IFI44L: variants seen among roughly 807,000 people sequenced by gnomAD.
The protein encoded by IFI44L is interferon-induced protein 44-like.
IFI44L carries 40 observed loss-of-function variants against 39.3 expected under a neutral mutation model. The observed-to-expected ratio is 1.02, with a 90% CI of 0.79 to 1.33. The LOEUF is 1.33. Among genes scored for constraint, IFI44L ranks in the 40% most tolerant of loss-of-function variants. IFI44L has a pLI of 0.00. For missense variants in IFI44L, 623 were observed against 549.0 expected (o/e 1.13, Z -1.35); for synonymous variants, 198 against 182.3 (o/e 1.09, Z -0.69).
chr1:78,642,373 C>A lies in IFI44L; in HGVS notation c.*564C>A. The A allele has an allele frequency of 7.0e-6, 1 of 143,182 alleles. No homozygotes were observed. Among genetic ancestry groups the A allele is most frequent in the African/African-American group, 2.6e-5 (1 of 38,436 alleles). 8.9% of individuals were successfully genotyped at this position (143,182 alleles called of 1,614,324 possible). On this transcript the variant is annotated 3_prime_UTR_variant, in exon 9 of 9. Coordinates refer to ENST00000370751, the MANE Select transcript of IFI44L (RefSeq NM_006820.4). ...TAGCCTGGGCAACATGATGAAACCC[C>A]ATCTCCACTGCAAAAAAAAAAAAAA...
intron 1 of IFI44L, 174 bp from the exon 2 acceptor site, chr1:78,627,732 A>G: frequency 2.6e-6 from 1 of 378,586 alleles, no homozygotes; most frequent in Non-Finnish European, 4.7e-6. Flanking sequence ...ATATATTTTT[A>G]TATCTAACAT....
chr1:78,631,959 G>T (rs995854216), intron 4 of IFI44L, among the ~76,000 whole-genome samples: 7 of 152,080 alleles, frequency 4.6e-5, no homozygotes, highest in Non-Finnish European at 1.0e-4. Flanking sequence ...TTTACTCCTT[G>T]ATGAATAGTA....
rs976440836 is a variant in IFI44L, at chr1:78,641,879, T to C, written c.*70T>C. 4 of 1,505,880 alleles carry C rather than the reference T, an allele frequency of 2.7e-6. No individual in the cohort carries two copies. The African/African-American group carries it at 4.1e-5, about 16-fold the overall frequency. 93.3% of individuals were successfully genotyped at this position (1,505,880 alleles called of 1,614,324 possible). ...GTGCCGCAATGAGAGTCAATCTCTA[T>C]TGACAGCCTGCTTCAGATTTTGCTT... On this transcript the variant is annotated 3_prime_UTR_variant, in exon 9 of 9. Transcript: ENST00000370751.
chr1:78,637,206 G>A lies in IFI44L; in HGVS notation c.1048+3G>A, dbSNP rs1652982369. ...TCACAAAGAAGTATTAAACTGTGGT[G>A]AGTCTCACTGAACTTATAAAAAAAT... On this transcript the variant is annotated splice_donor_region_variant and intron_variant, in intron 6 of 8. Transcript: ENST00000370751. 4.4e-6 allele frequency: 7 copies of A among 1,584,424 alleles called. No homozygotes were observed. Among genetic ancestry groups the A allele is most frequent in the Non-Finnish European group, 4.3e-6 (5 of 1,169,328 alleles).
At position 78,628,149 on chromosome 1, in the gene IFI44L, G is replaced by A; in HGVS notation, c.234G>A (p.Glu78=). Residue 78 remains glutamate, a synonymous_variant, in exon 2 of 9, where the codon GAG becomes GAA. Transcript: ENST00000370751. The stretch of plus-strand genomic sequence containing the variant: ...TTAATTTACATGAAAGTTCTACAGA[G>A]CCAAATGATTCCCTATGGTTTTCAC... ...NYINLHESST[E]PNDSLWFSLQ... The A allele has an allele frequency of 6.2e-7, 1 of 1,612,114 alleles. No homozygotes were observed. The highest frequency in any genetic ancestry group is 1.3e-5 in the African/African-American group (1 of 74,936).
intron 1 of IFI44L, among the ~76,000 whole-genome samples, chr1:78,623,082 A>G (rs1336267047): frequency 1.3e-5 from 2 of 152,230 alleles, no homozygotes; most frequent in Non-Finnish European, 2.9e-5. Flanking sequence ...CTATTACTTT[A>G]TCGGTAGATG....
intron 1 of IFI44L, among the ~76,000 whole-genome samples, chr1:78,625,030 T>C (rs1054524521): frequency 5.9e-5 from 9 of 152,148 alleles, no homozygotes; most frequent in African/African-American, 2.2e-4. Context: ...TATTTTGTCA[T>C]GACATGCTTT....
At chr1:78,632,361 C>T (rs748122928) in intron 4 of IFI44L, among the ~76,000 whole-genome samples, 9 of 152,138 alleles carry the variant, frequency 5.9e-5, no homozygotes, top group Non-Finnish European at 1.2e-4. Flanking sequence ...CACTTAAAGA[C>T]TTATCCAATG....
At chr1:78,631,710 G>A (rs1240602201) in intron 4 of IFI44L, 1 of 152,130 alleles carries the variant, frequency 6.6e-6, no homozygotes, top group Non-Finnish European at 1.5e-5. Context: ...TTCTCAAAGT[G>A]AAATTTGTGG....
At chr1:78,628,906 C>A in intron 2 of IFI44L, 45 bp from the exon 3 acceptor site, 1 of 1,276,862 alleles carries the variant, frequency 7.8e-7, no homozygotes. Context: ...CACATTTAAC[C>A]AAACAAGTTT....
intron 4 of IFI44L, chr1:78,631,571 C>T (rs1367911069): frequency 2.6e-5 from 4 of 152,122 alleles, no homozygotes; most frequent in African/African-American, 4.8e-5. Flanking sequence ...CTTCCCAAAT[C>T]GTCCATATTT....
At position 78,644,838 on chromosome 1, in the gene IFI44L, A is replaced by G. The variant is rs1268193945; in HGVS notation, c.*3029A>G. 6.6e-6 allele frequency: 1 copy of G among 152,236 alleles called. No homozygotes were observed. The highest frequency in any genetic ancestry group is 1.5e-5 in the Non-Finnish European group (1 of 68,038). The allele number at this position is 152,236 out of a possible 1,614,324, so 9.4% of individuals were successfully genotyped here. A position where few individuals can be genotyped will look rare whatever the true frequency, so the allele number is the denominator to read the frequency against. ...TGGAGACAGTTGAAATGTCAATGCT[A>G]GAGCCTCTGTGGTGTGAATGGGCAC... On this transcript the variant is annotated 3_prime_UTR_variant, in exon 9 of 9. Transcript: ENST00000370751.
chr1:78,640,192 A>C (rs148929328), intron 6 of IFI44L, among the ~76,000 whole-genome samples: 425 of 152,284 alleles, frequency 2.8e-3, no homozygotes, highest in African/African-American at 9.7e-3. Flanking sequence ...GCTGGATGGC[A>C]ATGCTTAATG....
At chr1:78,637,481 G>T (rs1231364435) in intron 6 of IFI44L, among the ~76,000 whole-genome samples, 3 of 151,998 alleles carry the variant, frequency 2.0e-5, no homozygotes, top group Non-Finnish European at 4.4e-5. Context: ...AGACAGGGAA[G>T]ATCGAAACCA....
chr1:78,627,061 A>G (rs964301281), intron 1 of IFI44L: 10 of 152,034 alleles, frequency 6.6e-5, no homozygotes, highest in Non-Finnish European at 1.3e-4. Flanking sequence ...TGAATCTAGC[A>G]AACACTTTGC....
At chr1:78,629,035 T>C (rs1336409471) in intron 3 of IFI44L, 36 bp downstream of exon 3, 1 of 1,279,000 alleles carries the variant, frequency 7.8e-7, no homozygotes, top group Non-Finnish European at 1.1e-6. Context: ...TTAATCATTT[T>C]ATTTAGACCA....
Position 78,634,985 on chromosome 1 carries a change from A to G in IFI44L, c.724-352A>G, listed in dbSNP as rs551804005. On this transcript the variant is annotated intron_variant, in intron 4 of 8. Transcript: ENST00000370751. The stretch of plus-strand genomic sequence containing the variant: ...AAAAAGCATGGAGTCAAAACATACC[A>G]TTATATATATATATATGTGTGTGTG... Among the ~76,000 whole-genome samples the G allele has an allele frequency of 2.9e-5, 4 of 137,478 alleles. No individual in the cohort carries two copies. The South Asian group carries it at 7.4e-4, about 25-fold the overall frequency. 90.2% of individuals were successfully genotyped at this position (137,478 alleles called of 152,430 possible).
intron 1 of IFI44L, among the ~76,000 whole-genome samples, chr1:78,621,551 T>G (rs555474481): frequency 6.6e-6 from 1 of 152,284 alleles, no homozygotes; most frequent in South Asian, 2.1e-4. Context: ...GGATTACAGG[T>G]GTGAGCCACC....
At chr1:78,632,064 T>C (rs924822299) in intron 4 of IFI44L, among the ~76,000 whole-genome samples, 2 of 152,204 alleles carry the variant, frequency 1.3e-5, no homozygotes, top group Non-Finnish European at 2.9e-5. Flanking sequence ...GTACTTCTAA[T>C]GCATATTGAA....
Sources: gnomAD v4.1 joint callset for allele counts (sites outside exome capture counted in the v4.1 genomes callset) on GRCh38, gnomAD v4.1.1 for gene constraint, MANE v1.5 for transcripts, NCBI Gene and HGNC (gene_info 2026-07-23, HGNC 2026-07-21) for gene names.